ANO1: variants seen among roughly 807,000 people sequenced by gnomAD.
ANO1 encodes anoctamin-1.
In ANO1, 59 loss-of-function variants were observed where a neutral mutation model predicts 124.0. That is an observed-to-expected ratio of 0.48 (90% CI 0.39 to 0.59). ANO1 has a LOEUF of 0.59. ANO1 is among the 20% of genes least tolerant of loss of function. ANO1 has a pLI of 0.00. For synonymous variants in ANO1, 529 were observed against 532.0 expected, an observed-to-expected ratio of 0.99 and a Z score of 0.08; for missense variants, 1,059 against 1,328.0, an observed-to-expected ratio of 0.80 and a Z score of 3.15.
intron 1 of ANO1, among the ~76,000 whole-genome samples, chr11:70,022,493 G>A (rs1247063878): frequency 6.6e-6 from 1 of 152,080 alleles, no homozygotes; most frequent in South Asian, 2.1e-4. Context: ...CAGCTACTTG[G>A]GAGGCTGAGG....
intron 12 of ANO1, 133 bp from the exon 13 acceptor site, chr11:70,152,317 A>G (rs2047634895): frequency 5.8e-6 from 5 of 855,142 alleles, no homozygotes; most frequent in East Asian, 2.9e-5. Context: ...CCTGCTCAAT[A>G]GAGCAAGACT....
intron 25 of ANO1, among the ~76,000 whole-genome samples, chr11:70,186,872 G>A (rs1383142925): frequency 6.6e-6 from 1 of 152,208 alleles, no homozygotes. Context: ...AGCAAGCAGT[G>A]CAAAAGGTGT....
At chr11:70,067,927 T>C (rs1161535077) in intron 1 of ANO1, among the ~76,000 whole-genome samples, 3 of 152,250 alleles carry the variant, frequency 2.0e-5, no homozygotes, top group Non-Finnish European at 4.4e-5. Flanking sequence ...GATTTCTGAC[T>C]TCCTGGCAGA....
intron 1 of ANO1, 27 bp downstream of exon 1, chr11:70,078,741 CG>C (rs2044107872): frequency 7.1e-7 from 1 of 1,410,212 alleles, no homozygotes; most frequent in Non-Finnish European, 9.4e-7. Context: ...GCGACCCGGG[CG>C]GGAGGGCCGC....
rs534048940 is a variant in ANO1, at chr11:70,175,261, G to A, written c.2350+4222G>A. On this transcript the variant is annotated intron_variant, in intron 22 of 25. Coordinates refer to ENST00000355303, the MANE Select transcript of ANO1 (RefSeq NM_018043.7). ...TGGCTGGTTTTTGCTCAGTTCTTAC[G>A]GATCAGCTACTCACTTCCTGGTTCC... Among the ~76,000 whole-genome samples, 12 of 152,366 alleles carry A rather than the reference G, an allele frequency of 7.9e-5. No homozygotes were observed. In the South Asian group the frequency reaches 8.3e-4, roughly 11 times the overall value.
intron 15 of ANO1, 48 bp downstream of exon 15, chr11:70,156,036 A>G (rs376386505): frequency 3.9e-5 from 56 of 1,423,790 alleles, no homozygotes; most frequent in Middle Eastern, 1.8e-4. Flanking sequence ...GTTTGCAGGC[A>G]ATCAAAGTCG....
intron 1 of ANO1, among the ~76,000 whole-genome samples, chr11:70,026,268 A>ATGGT (rs1190171066): frequency 2.3e-5 from 2 of 88,090 alleles, no homozygotes; most frequent in Non-Finnish European, 2.4e-5. Context: ...ATGATGATGG[A>ATGGT]GGTGGTGATG....
intron 2 of ANO1, among the ~76,000 whole-genome samples, chr11:70,094,605 G>A (rs763086600): frequency 2.6e-5 from 4 of 152,222 alleles, no homozygotes; most frequent in Non-Finnish European, 4.4e-5. Context: ...CCTGAGCTGA[G>A]AGTGGCACGT....
Position 70,115,590 on chromosome 11 carries a change from C to T in ANO1, c.856-868C>T, listed in dbSNP as rs529550981. On this transcript the variant is annotated intron_variant, in intron 7 of 25. Coordinates refer to ENST00000355303, the MANE Select transcript of ANO1 (RefSeq NM_018043.7). ...TCATGCCACTGTACTCCAGCCTGAG[C>T]GATAAGAGTGAAACTCCATCTCAAA... Among the ~76,000 whole-genome samples the T allele has an allele frequency of 2.2e-3, 329 of 151,958 alleles. 1 individual carries two copies. The highest frequency in any genetic ancestry group is 7.6e-3 in the African/African-American group (314 of 41,450).
intron 1 of ANO1, among the ~76,000 whole-genome samples, chr11:70,043,917 G>C (rs1857217632): frequency 6.6e-6 from 1 of 152,072 alleles, no homozygotes; most frequent in African/African-American, 2.4e-5. Context: ...TAATAAATGT[G>C]CATGTTAATA....
chr11:70,121,125 C>G (rs963293938), intron 8 of ANO1, among the ~76,000 whole-genome samples: 4 of 152,084 alleles, frequency 2.6e-5, no homozygotes, highest in African/African-American at 9.7e-5. Context: ...GGTCCCTCCT[C>G]CCCCGGTGCA....
chr11:70,040,126 A>T (rs1361585328), intron 1 of ANO1, among the ~76,000 whole-genome samples: 1 of 152,182 alleles, frequency 6.6e-6, no homozygotes, highest in East Asian at 1.9e-4. Context: ...GCCAGCCAAG[A>T]TAATCTGGCA....
intron 11 of ANO1, among the ~76,000 whole-genome samples, chr11:70,146,730 G>A (rs553473052): frequency 3.9e-5 from 6 of 152,240 alleles, no homozygotes; most frequent in African/African-American, 1.4e-4. Flanking sequence ...TCAGTCTATG[G>A]TTGAAGGCGT....
At chr11:70,045,822 T>C (rs1462480068) in intron 1 of ANO1, among the ~76,000 whole-genome samples, 1 of 152,218 alleles carries the variant, frequency 6.6e-6, no homozygotes, top group Non-Finnish European at 1.5e-5. Context: ...TGGAATGGAC[T>C]CATGTTAGAA....
intron 18 of ANO1, among the ~76,000 whole-genome samples, chr11:70,162,562 C>A (rs1189323103): frequency 1.3e-5 from 2 of 152,154 alleles, no homozygotes; most frequent in Non-Finnish European, 2.9e-5. Context: ...GGAGCCATCC[C>A]AGGCTGCGGT....
At chr11:70,140,965 C>T (rs190892432) in intron 11 of ANO1, among the ~76,000 whole-genome samples, 42 of 152,266 alleles carry the variant, frequency 2.8e-4, no homozygotes, top group African/African-American at 1.0e-3. Context: ...GATGGAGTCT[C>T]TCTGGTTGGA....
chr11:70,088,464 ACGC>A (rs1273350024), intron 2 of ANO1, among the ~76,000 whole-genome samples: 2 of 147,796 alleles, frequency 1.4e-5, no homozygotes, highest in African/African-American at 5.0e-5. Flanking sequence ...AGCGGACATC[ACGC>A]CACTGCACGC....
At chr11:69,981,131 C>G (rs1440102710), upstream of ANO1, among the ~76,000 whole-genome samples, 1 of 152,214 alleles carries the variant, frequency 6.6e-6, no homozygotes, top group East Asian at 1.9e-4. Flanking sequence ...AGTTATGGCA[C>G]AGGAAGACCA....
intron 1 of ANO1, among the ~76,000 whole-genome samples, chr11:69,987,726 C>G (rs1856074556): frequency 6.6e-6 from 1 of 151,774 alleles, no homozygotes; most frequent in Admixed American, 6.6e-5. Flanking sequence ...AGCAATGCTT[C>G]TAGGACATCT....
Sources: gnomAD v4.1 joint callset for allele counts (sites outside exome capture counted in the v4.1 genomes callset) on GRCh38, gnomAD v4.1.1 for gene constraint, MANE v1.5 for transcripts, NCBI Gene and HGNC (gene_info 2026-07-23, HGNC 2026-07-21) for gene names.